The following JMJD1C variants were observed in gnomAD, a reference collection of about 807,000 sequenced individuals.
JMJD1C encodes the protein jumonji domain-containing protein 1C.
In JMJD1C, 31 loss-of-function variants were observed where a neutral mutation model predicts 245.3. The ratio of observed to expected loss-of-function variants is 0.13; its 90% CI spans 0.09 to 0.17. JMJD1C has a LOEUF of 0.17. Ranked by LOEUF, JMJD1C falls within the 10% of genes least tolerant of loss-of-function variation. The pLI, the probability that JMJD1C is intolerant of heterozygous loss-of-function variation, is 1.00. For missense variants in JMJD1C, 2,691 were observed against 3,000.2 expected (o/e 0.90, Z 2.41); for synonymous variants, 1,057 against 1,017.4 (o/e 1.04, Z -0.74).
chr10:63,468,323 T>A (rs1414711210), upstream of JMJD1C, among the ~76,000 whole-genome samples: 6 of 152,232 alleles, frequency 3.9e-5, no homozygotes, highest in Admixed American at 1.3e-4. Flanking sequence ...TACATTTTTT[T>A]AAATGTAGAA....
chr10:63,290,574 TA>T (rs1489132751), intron 2 of JMJD1C, among the ~76,000 whole-genome samples: 1 of 151,626 alleles, frequency 6.6e-6, no homozygotes, highest in Admixed American at 6.6e-5. Context: ...AATAAATAAA[TA>T]AAAGTAGATG....
chr10:63,369,174 G>A (rs376782731), intron 2 of JMJD1C, among the ~76,000 whole-genome samples: 89 of 139,550 alleles, frequency 6.4e-4, no homozygotes, highest in African/African-American at 2.1e-3. Flanking sequence ...TCCTCTTCTC[G>A]TCTCACTCTG....
chr10:63,389,532 ACAT>A (rs1947889886), intron 1 of JMJD1C, among the ~76,000 whole-genome samples: 2 of 151,604 alleles, frequency 1.3e-5, no homozygotes, highest in South Asian at 2.1e-4. Flanking sequence ...TTTAAACTGC[ACAT>A]TAGACCAAAT....
At chr10:63,519,245 A>T (rs1955126004) in intron 1 of JMJD1C, among the ~76,000 whole-genome samples, 1 of 152,212 alleles carries the variant, frequency 6.6e-6, no homozygotes. Context: ...TTCAGAGAGC[A>T]GCCAGCCATC....
Position 63,206,583 on chromosome 10 carries a change from T to C in JMJD1C, c.5074+12A>G, listed in dbSNP as rs1846653454. On this transcript the variant is annotated intron_variant, in intron 10 of 25. Coordinates refer to ENST00000399262, the MANE Select transcript of JMJD1C (RefSeq NM_032776.3). ...CCATTTTACCTGAGATAAAACAAAGTAACTGACTTACTATTACTGTTGCTT... is the reference window on the plus strand; with the variant it reads ...CCATTTTACCTGAGATAAAACAAAGCAACTGACTTACTATTACTGTTGCTT... 6.4e-7 allele frequency: 1 copy of C among 1,557,954 alleles called. No individual in the cohort carries two copies. Among genetic ancestry groups the C allele is most frequent in the Non-Finnish European group, 8.6e-7 (1 of 1,156,540 alleles).
At chr10:63,245,532 G>C (rs1479265081) in intron 3 of JMJD1C, among the ~76,000 whole-genome samples, 1 of 132,526 alleles carries the variant, frequency 7.5e-6, no homozygotes, top group Non-Finnish European at 1.6e-5. Flanking sequence ...CCCCAGGCTG[G>C]ACTGCAGTGG....
At chr10:63,485,417 A>G (rs1953963029) in intron 1 of JMJD1C, among the ~76,000 whole-genome samples, 2 of 152,156 alleles carry the variant, frequency 1.3e-5, no homozygotes, top group South Asian at 4.1e-4. Flanking sequence ...CTTTATTCAG[A>G]CAAAACAGCA....
chr10:63,213,872 T>C lies in JMJD1C; in HGVS notation c.2295A>G (p.Leu765=), dbSNP rs1380321397. The C allele has an allele frequency of 6.2e-7, 1 of 1,614,072 alleles. No homozygotes were observed. Among genetic ancestry groups the C allele is most frequent in the African/African-American group, 1.3e-5 (1 of 75,034 alleles). ...HPALTPAPHL[L]AGSSSQTPLP... Reference sequence around the variant, plus strand: ...ATGGAGTTTGACTAGATGATCCGGCTAGTAAATGGGGTGCAGGAGTTAAGG... The same window carrying C: ...ATGGAGTTTGACTAGATGATCCGGCCAGTAAATGGGGTGCAGGAGTTAAGG... The change falls in exon 8 of 26, where the codon CTA becomes CTG. Residue 765 remains leucine, a synonymous_variant. Transcript: ENST00000399262.
intron 1 of JMJD1C, chr10:63,427,362 C>A: frequency 1.9e-6 from 2 of 1,032,718 alleles, no homozygotes; most frequent in Non-Finnish European, 1.4e-6. Flanking sequence ...TCACCGCCTT[C>A]TGGCATCAGT....
chr10:63,465,170 G>A (rs913470533), intron 1 of JMJD1C: 5 of 327,286 alleles, frequency 1.5e-5, no homozygotes, highest in African/African-American at 4.3e-5. Flanking sequence ...CGCCGGACTC[G>A]CGGCTCCGCC....
At chr10:63,336,645 G>A (rs1589513757) in intron 2 of JMJD1C, among the ~76,000 whole-genome samples, 2 of 152,044 alleles carry the variant, frequency 1.3e-5, no homozygotes, top group East Asian at 3.9e-4. Flanking sequence ...TATTATAAAG[G>A]GTCAGCACTC....
At chr10:63,174,964 A>G (rs1842751772) in intron 24 of JMJD1C, among the ~76,000 whole-genome samples, 1 of 152,242 alleles carries the variant, frequency 6.6e-6, no homozygotes, top group African/African-American at 2.4e-5. Context: ...AGAATTATAC[A>G]TTAAATAAGG....
At chr10:63,508,125 C>T (rs1954777098) in intron 1 of JMJD1C, among the ~76,000 whole-genome samples, 1 of 152,152 alleles carries the variant, frequency 6.6e-6, no homozygotes, top group African/African-American at 2.4e-5. Flanking sequence ...CTAGATACTA[C>T]ACCAAAGACA....
At chr10:63,245,478 CTTTTT>C (rs71025134) in intron 3 of JMJD1C, among the ~76,000 whole-genome samples, 4,581 of 90,268 alleles carry the variant, frequency 0.051, 226 homozygotes, top group African/African-American at 0.16. Context: ...CAGGGGAACT[CTTTTT>C]TTTTTTTTTT....
At chr10:63,445,947 C>G (rs541944130) in intron 1 of JMJD1C, among the ~76,000 whole-genome samples, 1 of 132,376 alleles carries the variant, frequency 7.6e-6, no homozygotes, top group Non-Finnish European at 1.6e-5. Context: ...GTGATCTGGG[C>G]TCACTGCAGC....
exon 1 of JMJD1C, chr10:63,521,775 G>C: frequency 2.9e-6 from 1 of 343,706 alleles, no homozygotes; most frequent in Non-Finnish European, 5.2e-6. Context: ...TGCGACGGCC[G>C]AGGGCCTAGC....
At chr10:63,495,414 A>AT (rs1954326536) in intron 1 of JMJD1C, among the ~76,000 whole-genome samples, 1 of 151,914 alleles carries the variant, frequency 6.6e-6, no homozygotes. Flanking sequence ...CATAAAAAAA[A>AT]AAAAAGACTA....
At chr10:63,360,934 GCCA>G (rs1416625984) in intron 2 of JMJD1C, among the ~76,000 whole-genome samples, 2 of 152,026 alleles carry the variant, frequency 1.3e-5, no homozygotes, top group Non-Finnish European at 2.9e-5. Context: ...ACATGCGTGA[GCCA>G]CCGAGCCCGG....
chr10:63,211,230 C>T (rs1430974332), intron 8 of JMJD1C, among the ~76,000 whole-genome samples: 2 of 151,976 alleles, frequency 1.3e-5, no homozygotes, highest in African/African-American at 2.4e-5. Flanking sequence ...TTTGAGAGGC[C>T]GAGACAGGCG....
Sources: allele counts gnomAD v4.1 joint callset (sites outside exome capture counted in the v4.1 genomes callset), GRCh38; gene constraint gnomAD v4.1.1; transcripts MANE v1.5; gene names NCBI Gene and HGNC (gene_info 2026-07-23, HGNC 2026-07-21).